BAIAP2: variants seen among roughly 807,000 people sequenced by gnomAD.
BAIAP2 encodes BAR/IMD domain containing adaptor protein 2.
A neutral mutation model predicts 63.0 loss-of-function variants in BAIAP2; 18 were observed. That is an observed-to-expected ratio of 0.29 (90% CI 0.20 to 0.42). The LOEUF is 0.42. BAIAP2 is among the 10% of genes least tolerant of loss of function. BAIAP2 has a pLI of 1.00. For synonymous variants in BAIAP2, 386 were observed against 307.6 expected (o/e 1.25, Z -2.67); for missense variants, 610 against 734.3 (o/e 0.83, Z 1.96).
intron 3 of BAIAP2, among the ~76,000 whole-genome samples, chr17:81,066,813 ACCCAGGGGCCCATGTGT>A (rs2051553233): frequency 6.6e-6 from 1 of 151,942 alleles, no homozygotes; most frequent in Admixed American, 6.5e-5. Flanking sequence ...TGCACAGTGC[ACCCAGGGGCCCATGTGT>A]CCCAGCCTCC....
chr17:81,086,769 A>G (rs908219715), intron 6 of BAIAP2, among the ~76,000 whole-genome samples, 189 bp downstream of exon 6: 2 of 152,176 alleles, frequency 1.3e-5, no homozygotes, highest in Non-Finnish European at 2.9e-5. Context: ...TGGTCGGCTC[A>G]CCTGTGGGGC....
chr17:81,107,565 C>T (rs919578882), intron 12 of BAIAP2: 1 of 152,336 alleles, frequency 6.6e-6, no homozygotes, highest in Non-Finnish European at 1.5e-5. Context: ...CAGGGAGGCT[C>T]CTGGGGTTGG....
chr17:81,065,615 C>T (rs113375744), intron 3 of BAIAP2, among the ~76,000 whole-genome samples: 2 of 152,232 alleles, frequency 1.3e-5, no homozygotes, highest in East Asian at 1.9e-4. Flanking sequence ...CCCTCCACCC[C>T]CTTGCTGCTG....
intron 6 of BAIAP2, among the ~76,000 whole-genome samples, chr17:81,091,000 G>A (rs933419145): frequency 6.6e-6 from 1 of 152,066 alleles, no homozygotes; most frequent in Non-Finnish European, 1.5e-5. Flanking sequence ...GGGCTGGCTG[G>A]CCCCGCCTAC....
rs2060535961 is a variant in BAIAP2, at chr17:81,116,371, C to T, written c.*532C>T. ...ACACCTGGAGTGTGGGGCCTGGTCC[C>T]TCCCCATGCCCCTCGGTGGGGCTCT... On this transcript the variant is annotated 3_prime_UTR_variant, in exon 14 of 14. Transcript: ENST00000428708. 1.3e-6 allele frequency: 2 copies of T among 1,586,270 alleles called. No individual in the cohort carries two copies. Among genetic ancestry groups the T allele is most frequent in the African/African-American group, 1.3e-5 (1 of 74,430 alleles).
At chr17:81,091,052 C>T (rs2056655081) in intron 6 of BAIAP2, among the ~76,000 whole-genome samples, 1 of 96,580 alleles carries the variant, frequency 1.0e-5, no homozygotes, top group East Asian at 2.7e-4. Flanking sequence ...CACCCCGCCC[C>T]CACTTGTGTG....
At chr17:81,109,907 G>C (rs140111697) in intron 13 of BAIAP2, 10 of 985,228 alleles carry the variant, frequency 1.0e-5, no homozygotes, top group South Asian at 4.7e-5. Context: ...GGGCCCGGCT[G>C]GGGGAGGGCA....
intron 3 of BAIAP2, among the ~76,000 whole-genome samples, chr17:81,065,126 T>C (rs2051239916): frequency 6.6e-6 from 1 of 152,180 alleles, no homozygotes; most frequent in African/African-American, 2.4e-5. Flanking sequence ...CCTCTTGGGC[T>C]TTGTGCTTGG....
At chr17:81,098,101 GC>G in intron 6 of BAIAP2, 1 of 1,373,216 alleles carries the variant, frequency 7.3e-7, no homozygotes, top group Admixed American at 2.8e-5. Flanking sequence ...GGAGGGGCCA[GC>G]GGGGGGTGGG....
intron 1 of BAIAP2, among the ~76,000 whole-genome samples, chr17:81,047,399 GGT>G (rs2047970275): frequency 6.6e-6 from 1 of 152,174 alleles, no homozygotes; most frequent in Non-Finnish European, 1.5e-5. Context: ...AGCCGGAGAG[GGT>G]CCTAGCATCG....
intron 6 of BAIAP2, among the ~76,000 whole-genome samples, chr17:81,097,184 T>TGG (rs2057771317): frequency 6.6e-6 from 1 of 152,210 alleles, no homozygotes; most frequent in South Asian, 2.1e-4. Context: ...CAAGGCCTAC[T>TGG]GGGGATAGGA....
At chr17:81,110,576 T>C (rs1298916589) in intron 13 of BAIAP2, 26 of 1,186,028 alleles carry the variant, frequency 2.2e-5, no homozygotes, top group African/African-American at 7.8e-5. Context: ...GGCCCCGCCT[T>C]GTGCCCACCT....
intron 1 of BAIAP2, among the ~76,000 whole-genome samples, chr17:81,052,385 C>T (rs552959769): frequency 6.6e-6 from 1 of 152,366 alleles, no homozygotes; most frequent in African/African-American, 2.4e-5. Flanking sequence ...TGCACGTGGC[C>T]TCTGGGCTAG....
chr17:81,089,567 C>T (rs1292922818), intron 6 of BAIAP2, among the ~76,000 whole-genome samples: 1 of 29,542 alleles, frequency 3.4e-5, no homozygotes, highest in African/African-American at 1.3e-4. Flanking sequence ...GAGTAAGCCA[C>T]AGCACCTGTT....
chr17:81,105,724 ATCTT>A (rs2059107258), intron 10 of BAIAP2: 1 of 235,988 alleles, frequency 4.2e-6, no homozygotes, highest in Non-Finnish European at 8.4e-6. Context: ...AGGCTGCTCC[ATCTT>A]TCTTCCAGTG....
chr17:81,052,846 G>A (rs766690795), intron 1 of BAIAP2, among the ~76,000 whole-genome samples: 24 of 152,290 alleles, frequency 1.6e-4, no homozygotes, highest in East Asian at 1.9e-4. Flanking sequence ...TTCCCTTCCT[G>A]TGATCCTCAG....
rs367941559 is a variant in BAIAP2 at position 81,104,651 on chromosome 17, A to G, written c.1204A>G (p.Ile402Val). 2 of 1,609,224 alleles carry G rather than the reference A, an allele frequency of 1.2e-6. No individual in the cohort carries two copies. The highest frequency in any genetic ancestry group is 8.5e-7 in the Non-Finnish European group (1 of 1,178,494). Residue 402 changes from isoleucine (I) to valine (V), a missense_variant, in exon 10 of 14, where the codon ATT (isoleucine) becomes GTT (valine). Transcript: ENST00000428708. ...CCTGAGCTTCAAGGAGGGTGACCTCATTACCCTGCTGGTGCCTGAGGCCCG... is the reference window on the plus strand; with the variant it reads ...CCTGAGCTTCAAGGAGGGTGACCTCGTTACCCTGCTGGTGCCTGAGGCCCG... Reference protein sequence around the residue: ...TLLSFKEGDLITLLVPEARDG... With the variant: ...TLLSFKEGDLVTLLVPEARDG...
rs941763542 is a variant in BAIAP2 at position 81,117,028 on chromosome 17, G to A, written c.*1189G>A. 1.3e-5 allele frequency: 2 copies of A among 152,420 alleles called. No individual in the cohort carries two copies. Among genetic ancestry groups the A allele is most frequent in the African/African-American group, 4.8e-5 (2 of 41,460 alleles). The allele number at this position is 152,420 out of a possible 1,614,324, so 9.4% of individuals were successfully genotyped here. ...AGGGCAGGGAGGAGGCTGTCCTGGA[G>A]AGGCCTGTAGGTCCATTCTTCACCC... is the stretch of plus-strand genomic sequence containing the variant. On this transcript the variant is annotated 3_prime_UTR_variant, in exon 14 of 14. Transcript: ENST00000428708.
intron 13 of BAIAP2, chr17:81,109,783 G>A (rs1234793146): frequency 1.0e-6 from 1 of 985,328 alleles, no homozygotes; most frequent in African/African-American, 1.7e-5. Context: ...GCCGCACACG[G>A]ACATTCCAAA....
Sources: gnomAD v4.1 joint callset for allele counts (sites outside exome capture counted in the v4.1 genomes callset) on GRCh38, gnomAD v4.1.1 for gene constraint, MANE v1.5 for transcripts, NCBI Gene and HGNC (gene_info 2026-07-23, HGNC 2026-07-21) for gene names.